Variants in VWA8 observed in about 807,000 individuals in gnomAD.
VWA8 encodes von Willebrand factor A domain containing 8.
In VWA8, 221 loss-of-function variants were observed where a neutral mutation model predicts 241.5. The observed-to-expected ratio is 0.91, with a 90% CI of 0.82 to 1.02. The LOEUF (loss-of-function observed/expected upper bound fraction) is 1.02, where lower values mean the gene tolerates loss of function less well. Ranked by LOEUF, VWA8 falls within the 50% of genes least tolerant of loss-of-function variation. The pLI is 0.00. For missense variants in VWA8, 2,322 were observed against 2,328.7 expected, an observed-to-expected ratio of 1.00 and a Z score of 0.06; for synonymous variants, 852 against 827.1, an observed-to-expected ratio of 1.03 and a Z score of -0.52.
intron 40 of VWA8, among the ~76,000 whole-genome samples, chr13:41,594,404 A>G (rs1011199466): frequency 5.3e-5 from 8 of 152,108 alleles, no homozygotes. Context: ...TGCTGGGACT[A>G]TGGGTGTGAG....
intron 9 of VWA8, among the ~76,000 whole-genome samples, chr13:41,878,312 T>G (rs1300916218): frequency 6.6e-6 from 1 of 152,112 alleles, no homozygotes; most frequent in Non-Finnish European, 1.5e-5. Flanking sequence ...CTATAAATAT[T>G]AGCTTAAAAT....
At chr13:41,657,117 C>T (rs879629837) in intron 37 of VWA8, among the ~76,000 whole-genome samples, 4 of 152,162 alleles carry the variant, frequency 2.6e-5, no homozygotes, top group Non-Finnish European at 2.9e-5. Flanking sequence ...TGAAATTACA[C>T]GGAGAGACAT....
At chr13:41,757,155 G>C (rs968937480) in intron 21 of VWA8, among the ~76,000 whole-genome samples, 1 of 151,684 alleles carries the variant, frequency 6.6e-6, no homozygotes, top group African/African-American at 2.4e-5. Flanking sequence ...AAAAAAAAGA[G>C]AGTGTTTCAG....
At position 41,920,802 on chromosome 13, in the gene VWA8, C is replaced by A. The variant is rs546607658; in HGVS notation, c.242-8634G>T. ...TGAAATTGAGGCAATAATAGGCTAC[C>A]AACCAAAAAAAGTCCAGGACCAGAT... On this transcript the variant is annotated intron_variant, in intron 2 of 44. Transcript: ENST00000379310. 1.6e-3 allele frequency among the ~76,000 whole-genome samples: 242 copies of A among 152,072 alleles called. 1 individual carries two copies. The highest frequency in any genetic ancestry group is 2.8e-3 in the Non-Finnish European group (192 of 67,976).
At chr13:41,784,763 C>CATATAT (rs58910808) in intron 18 of VWA8, among the ~76,000 whole-genome samples, 1 of 50,558 alleles carries the variant, frequency 2.0e-5, no homozygotes, top group Non-Finnish European at 4.4e-5. Context: ...TATATATATA[C>CATATAT]ACACACACAC....
intron 2 of VWA8, among the ~76,000 whole-genome samples, chr13:41,922,501 T>G (rs933839479): frequency 6.6e-6 from 1 of 152,170 alleles, no homozygotes; most frequent in African/African-American, 2.4e-5. Context: ...ACAGGCAACC[T>G]ACAGAATGGG....
At chr13:41,686,394 A>T (rs920444825) in intron 34 of VWA8, among the ~76,000 whole-genome samples, 3 of 151,934 alleles carry the variant, frequency 2.0e-5, no homozygotes, top group African/African-American at 7.3e-5. Flanking sequence ...GTATCTCATC[A>T]TGGTTTTAAT....
At chr13:41,625,055 G>A (rs2044680670) in intron 37 of VWA8, among the ~76,000 whole-genome samples, 1 of 152,106 alleles carries the variant, frequency 6.6e-6, no homozygotes, top group African/African-American at 2.4e-5. Context: ...AATCAAGAAT[G>A]CAATCCCATT....
chr13:41,896,134 C>T (rs533988235), intron 4 of VWA8, among the ~76,000 whole-genome samples: 1 of 152,076 alleles, frequency 6.6e-6, no homozygotes, highest in East Asian at 1.9e-4. Flanking sequence ...AATGTATGAA[C>T]AAGAAACTCT....
chr13:41,920,854 G>C (rs966003191), intron 2 of VWA8, among the ~76,000 whole-genome samples: 1 of 152,170 alleles, frequency 6.6e-6, no homozygotes, highest in Non-Finnish European at 1.5e-5. Context: ...TCTACCAGAA[G>C]TACAAAGAGG....
At chr13:41,741,825 T>A (rs1441123146) in intron 21 of VWA8, among the ~76,000 whole-genome samples, 1 of 152,132 alleles carries the variant, frequency 6.6e-6, no homozygotes. Context: ...GAGATAGATA[T>A]AAGGCAATTA....
At chr13:41,855,517 T>C (rs895046107) in intron 12 of VWA8, among the ~76,000 whole-genome samples, 1 of 151,682 alleles carries the variant, frequency 6.6e-6, no homozygotes, top group African/African-American at 2.4e-5. Flanking sequence ...AAACTACTGA[T>C]ACATGCAACA....
At chr13:41,791,953 A>C (rs1020896451) in intron 17 of VWA8, among the ~76,000 whole-genome samples, 5 of 151,946 alleles carry the variant, frequency 3.3e-5, no homozygotes, top group African/African-American at 9.6e-5. Context: ...GCAAAAAAAA[A>C]CTGTTGAAAC....
chr13:41,841,914 A>T (rs1872075038), intron 12 of VWA8, among the ~76,000 whole-genome samples: 1 of 135,712 alleles, frequency 7.4e-6, no homozygotes, highest in Non-Finnish European at 1.5e-5. Context: ...ACTAATAATG[A>T]TTTTGTTTTC....
intron 12 of VWA8, among the ~76,000 whole-genome samples, chr13:41,838,959 G>A (rs1445464761): frequency 6.6e-6 from 1 of 152,110 alleles, no homozygotes; most frequent in African/African-American, 2.4e-5. Context: ...ATAAATATAT[G>A]TGCGCATGTG....
chr13:41,907,633 T>C lies in VWA8; in HGVS notation c.436A>G (p.Lys146Glu). The part of the protein sequence containing the change: ...LSRDTTETDL[K>E]QRREIRAGTA... ...CCTGCACGGATCTCTCGTCGCTGTT[T>C]GAGATCAGTTTCAGTGGTGTCCCTT... Residue 146 changes from lysine (K) to glutamate (E), a missense_variant, in exon 4 of 45, where the codon AAA becomes GAA. Coordinates refer to ENST00000379310, the MANE Select transcript of VWA8 (RefSeq NM_015058.2). 6.2e-7 allele frequency: 1 copy of C among 1,613,806 alleles called. No individual in the cohort carries two copies. Among genetic ancestry groups the C allele is most frequent in the East Asian group, 2.2e-5 (1 of 44,868 alleles).
intron 1 of VWA8, among the ~76,000 whole-genome samples, chr13:41,959,415 A>C (rs1878487382): frequency 6.6e-6 from 1 of 151,794 alleles, no homozygotes; most frequent in Admixed American, 6.6e-5. Context: ...AAAGGAGCAA[A>C]AAACAAATAA....
intron 21 of VWA8, among the ~76,000 whole-genome samples, chr13:41,734,392 G>T (rs532912778): frequency 1.1e-3 from 169 of 152,254 alleles, no homozygotes; most frequent in African/African-American, 3.8e-3. Context: ...GTATTAGAAA[G>T]TACAGTCATG....
chr13:41,883,334 C>G, intron 9 of VWA8, 53 bp downstream of exon 9: 3 of 1,444,572 alleles, frequency 2.1e-6, no homozygotes, highest in East Asian at 2.3e-5. Context: ...TGGGAAAAGG[C>G]AAGGGAAGGG....
Sources: gnomAD v4.1 joint callset for allele counts (sites outside exome capture counted in the v4.1 genomes callset) on GRCh38, gnomAD v4.1.1 for gene constraint, MANE v1.5 for transcripts, NCBI Gene and HGNC (gene_info 2026-07-23, HGNC 2026-07-21) for gene names.